Variants in CAMKK2 observed in about 807,000 individuals in gnomAD.
CAMKK2 encodes the protein calcium/calmodulin-dependent protein kinase kinase 2.
A neutral mutation model predicts 67.2 loss-of-function variants in CAMKK2; 30 were observed. The observed-to-expected ratio is 0.45, with a 90% CI of 0.33 to 0.61. The LOEUF (loss-of-function observed/expected upper bound fraction) is 0.61, where lower values mean the gene tolerates loss of function less well. Ranked by LOEUF, CAMKK2 falls within the 20% of genes least tolerant of loss-of-function variation. The pLI is 0.02. For missense variants in CAMKK2, 643 were observed against 802.0 expected (o/e 0.80, Z 2.39); for synonymous variants, 322 against 326.2 (o/e 0.99, Z 0.14).
chr12:121,266,657 T>C (rs987216600), intron 5 of CAMKK2, among the ~76,000 whole-genome samples: 1 of 152,082 alleles, frequency 6.6e-6, no homozygotes, highest in Non-Finnish European at 1.5e-5. Flanking sequence ...CATGCCTGGC[T>C]ACTTTTTTGT....
chr12:121,239,376 T>C lies in CAMKK2; in HGVS notation c.*1323A>G, dbSNP rs1212311828. The C allele has an allele frequency of 6.6e-6, 1 of 152,214 alleles. No homozygotes were observed. Among genetic ancestry groups the C allele is most frequent in the African/African-American group, 2.4e-5 (1 of 41,442 alleles). 9.4% of individuals were successfully genotyped at this position (152,214 alleles called of 1,614,324 possible). A position where few individuals can be genotyped will look rare whatever the true frequency, so the allele number is the denominator to read the frequency against. On this transcript the variant is annotated 3_prime_UTR_variant, in exon 17 of 17. Coordinates refer to ENST00000404169, the MANE Select transcript of CAMKK2 (RefSeq NM_001270485.2). The stretch of plus-strand genomic sequence containing the variant: ...CTCAACCAAACTTCCCAATATCAGT[T>C]GGAAGTCAAAAAGATGAACCCTTTC...
chr12:121,249,316 TG>T (rs1332123879), intron 13 of CAMKK2, among the ~76,000 whole-genome samples: 2 of 152,232 alleles, frequency 1.3e-5, no homozygotes, highest in African/African-American at 4.8e-5. Context: ...GATATATGTG[TG>T]TGGCATTAGT....
intron 1 of CAMKK2, among the ~76,000 whole-genome samples, chr12:121,290,481 A>G (rs2136642279): frequency 6.6e-6 from 1 of 152,312 alleles, no homozygotes; most frequent in East Asian, 1.9e-4. Context: ...TGAGCCCAAG[A>G]GTTTCAGACT....
Position 121,274,483 on chromosome 12 carries a change from GC to G in CAMKK2, c.43del (p.Ala15ProfsTer29), listed in dbSNP as rs780124274. The G allele has an allele frequency of 1.2e-6, 2 of 1,612,378 alleles. No homozygotes were observed. Among genetic ancestry groups the G allele is most frequent in the East Asian group, 4.5e-5 (2 of 44,870 alleles). On this transcript the variant is annotated frameshift_variant, in exon 2 of 17. Transcript: ENST00000404169. LOFTEE classifies it high-confidence loss of function. ...VSSQPSSNRA[A>X]PQDELGGRGS... ...CCTGCCCCCCAGCTCATCCTGGGGG[GC>G]GGCCCGGTTGCTGCTGGGCTGGCTA...
intron 2 of CAMKK2, among the ~76,000 whole-genome samples, chr12:121,272,650 G>T (rs576490047): frequency 1.3e-5 from 2 of 151,182 alleles, no homozygotes; most frequent in South Asian, 4.2e-4. Flanking sequence ...ATCACCTGAG[G>T]TCAGGAGTTC....
intron 9 of CAMKK2, among the ~76,000 whole-genome samples, chr12:121,255,195 TATATATA>T (rs1304601400): frequency 1.9e-5 from 2 of 104,092 alleles, no homozygotes; most frequent in African/African-American, 7.3e-5. Context: ...AACTCCCCTT[TATATATA>T]TAATTATATA....
chr12:121,285,553 G>A lies in CAMKK2; in HGVS notation c.-59-10968C>T, dbSNP rs1211585013. On this transcript the variant is annotated intron_variant, in intron 1 of 16. Coordinates refer to ENST00000404169, the MANE Select transcript of CAMKK2 (RefSeq NM_001270485.2). The surrounding 1 kb of genome is among the most constrained non-coding windows in gnomAD (Gnocchi z 4.1). ...GCCAGGCATGGTGGCTCACGCCTGT[G>A]CTCCTAGCACTGTGGAAGTCTGAGG... 6.6e-6 allele frequency among the ~76,000 whole-genome samples: 1 copy of A among 152,036 alleles called. No homozygotes were observed. Among genetic ancestry groups the A allele is most frequent in the Non-Finnish European group, 1.5e-5 (1 of 68,002 alleles).
chr12:121,297,556 T>C (rs1479452646), upstream of CAMKK2: 1 of 512,940 alleles, frequency 1.9e-6, no homozygotes, highest in Non-Finnish European at 3.9e-6. Context: ...GAGCCTTAAG[T>C]GTGCGTTGGA....
At chr12:121,259,131 T>C (rs1892937743) in intron 7 of CAMKK2, among the ~76,000 whole-genome samples, 3 of 152,148 alleles carry the variant, frequency 2.0e-5, no homozygotes, top group African/African-American at 7.2e-5. Context: ...GGTGAGCCAC[T>C]GTGCCCGATC....
intron 7 of CAMKK2, among the ~76,000 whole-genome samples, chr12:121,256,312 G>T (rs895666716): frequency 6.6e-6 from 1 of 152,186 alleles, no homozygotes; most frequent in African/African-American, 2.4e-5. Context: ...CTGGACAGCG[G>T]AGGTTGCAGT....
chr12:121,255,788 G>C lies in CAMKK2; in HGVS notation c.813C>G (p.Asn271Lys), dbSNP rs751804866. Residue 271 changes from asparagine (N) to lysine (K), a missense_variant, in exon 8 of 17, where the codon AAC becomes AAG. By Grantham distance (94) the Asn-to-Lys change is moderately conservative. This residue lies in a region of CAMKK2 where 483 missense variants were observed against 625.8 expected (regional missense o/e 0.77). Transcript: ENST00000404169. ...CTGGGAGCTGGGACACTCACCCTTG[G>C]TTGACCAGTTCGAACACTGTAGGGA... ...DHLYMVFELVNQGPVMEVPTL... is the reference protein window; with the variant it reads ...DHLYMVFELVKQGPVMEVPTL... 6.2e-7 allele frequency: 1 copy of C among 1,613,890 alleles called. No individual in the cohort carries two copies. Among genetic ancestry groups the C allele is most frequent in the African/African-American group, 1.3e-5 (1 of 74,896 alleles).
chr12:121,286,534 G>A (rs2136589617), intron 1 of CAMKK2, among the ~76,000 whole-genome samples: 1 of 152,144 alleles, frequency 6.6e-6, no homozygotes, highest in Non-Finnish European at 1.5e-5. Flanking sequence ...GTTTTGTTTG[G>A]TTTGGTTTGG....
chr12:121,284,401 C>T (rs1171691407), intron 1 of CAMKK2, among the ~76,000 whole-genome samples: 10 of 152,024 alleles, frequency 6.6e-5, no homozygotes, highest in African/African-American at 1.4e-4. Flanking sequence ...CTCGGCTCAG[C>T]GCAACCTCTG....
At chr12:121,295,452 T>C (rs12425953) in intron 1 of CAMKK2, among the ~76,000 whole-genome samples, 5,495 of 152,244 alleles carry the variant, frequency 0.036, 204 homozygotes, top group Admixed American at 0.081. Context: ...AGAGGGTGGC[T>C]AACTCCCCCA....
chr12:121,251,751 CG>C (rs1469285527), intron 11 of CAMKK2, among the ~76,000 whole-genome samples: 1 of 148,138 alleles, frequency 6.8e-6, no homozygotes, highest in African/African-American at 2.5e-5. Context: ...GGCTTGAACC[CG>C]GGAGGCGGAG....
chr12:121,240,706 G>A lies in CAMKK2; in HGVS notation c.1760C>T (p.Pro587Leu), dbSNP rs1888195738. ...GTCGAGCGATCCAGGCAGCTACTCGGGCTCCATGGCCTCCTCCGGCCGCAG... is the reference window on the plus strand; with the variant it reads ...GTCGAGCGATCCAGGCAGCTACTCGAGCTCCATGGCCTCCTCCGGCCGCAG... ...HPLRPEEAME[P>L]E Residue 587 changes from proline (P) to leucine (L), a missense_variant, in exon 17 of 17, where the codon CCC becomes CTC. By Grantham distance (98) the Pro-to-Leu change is moderately conservative. Transcript: ENST00000404169. This position sits in a 1 kb window ranked among gnomAD's most constrained non-coding sequence, Gnocchi z 4.4. The A allele has an allele frequency of 6.2e-7, 1 of 1,601,774 alleles. No individual in the cohort carries two copies. Among genetic ancestry groups the A allele is most frequent in the Non-Finnish European group, 8.5e-7 (1 of 1,177,004 alleles).
At chr12:121,289,071 C>CA (rs1231019553) in intron 1 of CAMKK2, among the ~76,000 whole-genome samples, 14 of 152,080 alleles carry the variant, frequency 9.2e-5, no homozygotes, top group Admixed American at 9.2e-4. Context: ...CCAATCCCCC[C>CA]ACCCCACCCC....
At chr12:121,293,793 TC>T (rs1900593614) in intron 1 of CAMKK2, among the ~76,000 whole-genome samples, 4 of 152,092 alleles carry the variant, frequency 2.6e-5, no homozygotes, top group Admixed American at 2.6e-4. Context: ...TCAGGGAGCC[TC>T]CCAGATTCAC....
Position 121,255,303 on chromosome 12 carries a change from T to TATATATATATTTATATATATATAA in CAMKK2, c.907+246_907+247insTTATATATATATAAATATATATAT, listed in dbSNP as rs1566059298. ...TTATATATATAATTATATATATAAT[T>TATATATATATTTATATATATATAA]TTATATATAATTTTATATATATATA... is the stretch of plus-strand genomic sequence containing the variant. On this transcript the variant is annotated intron_variant, in intron 9 of 16. Coordinates refer to ENST00000404169, the MANE Select transcript of CAMKK2 (RefSeq NM_001270485.2). 1.7e-4 allele frequency among the ~76,000 whole-genome samples: 4 copies of TATATATATATTTATATATATATAA among 23,038 alleles called. 1 individual carries two copies. The highest frequency in any genetic ancestry group is 5.4e-4 in the African/African-American group (4 of 7,382). 15.1% of individuals were successfully genotyped at this position (23,038 alleles called of 152,430 possible).
Sources: allele counts gnomAD v4.1 joint callset (sites outside exome capture counted in the v4.1 genomes callset), GRCh38; gene constraint gnomAD v4.1.1; regional missense constraint gnomAD v4.1.1; non-coding constraint Gnocchi (gnomAD v3.1); transcripts MANE v1.5; gene names NCBI Gene and HGNC (gene_info 2026-07-23, HGNC 2026-07-21).